The following CHRM3 variants were observed in gnomAD, a reference collection of about 807,000 sequenced individuals.
CHRM3 encodes the protein muscarinic acetylcholine receptor M3.
In CHRM3, 11 loss-of-function variants were observed where a neutral mutation model predicts 41.8. The observed-to-expected ratio is 0.26, with a 90% CI of 0.17 to 0.44. The LOEUF (loss-of-function observed/expected upper bound fraction) is 0.44. Among genes scored for constraint, CHRM3 ranks in the 20% least tolerant of loss-of-function variants. The pLI, the probability that CHRM3 is intolerant of heterozygous loss-of-function variation, is 1.00. For missense variants in CHRM3, 571 were observed against 745.4 expected (o/e 0.77, Z 2.72); for synonymous variants, 297 against 301.4 (o/e 0.99, Z 0.15).
chr1:239,523,724 T>C (rs1558287919), intron 2 of CHRM3, among the ~76,000 whole-genome samples: 1 of 152,162 alleles, frequency 6.6e-6, no homozygotes, highest in Non-Finnish European at 1.5e-5. Flanking sequence ...TGTATGTTTG[T>C]TGGAACATAC....
chr1:239,488,608 G>C (rs1667341697), intron 1 of CHRM3, among the ~76,000 whole-genome samples: 1 of 149,312 alleles, frequency 6.7e-6, no homozygotes, highest in Non-Finnish European at 1.5e-5. Flanking sequence ...CCAGCTACTT[G>C]AGAGGCTGAG....
At chr1:239,881,248 A>T (rs1168063946) in intron 6 of CHRM3, among the ~76,000 whole-genome samples, 1 of 121,786 alleles carries the variant, frequency 8.2e-6, no homozygotes, top group Non-Finnish European at 1.6e-5. Flanking sequence ...CCGCCCCTGC[A>T]CTCCAGCCTG....
At chr1:239,476,059 G>A (rs945104916) in intron 1 of CHRM3, among the ~76,000 whole-genome samples, 3 of 141,528 alleles carry the variant, frequency 2.1e-5, no homozygotes, top group African/African-American at 7.9e-5. Context: ...TTAAAGCACA[G>A]TTACTTCTTT....
intron 3 of CHRM3, among the ~76,000 whole-genome samples, chr1:239,607,674 G>C (rs1666503312): frequency 6.6e-6 from 1 of 152,002 alleles, no homozygotes; most frequent in Non-Finnish European, 1.5e-5. Context: ...AAAAGGCTTA[G>C]TAAAATCAAC....
chr1:239,672,593 T>C (rs1200214757), intron 4 of CHRM3, among the ~76,000 whole-genome samples: 1 of 106,874 alleles, frequency 9.4e-6, no homozygotes, highest in African/African-American at 4.4e-5. Context: ...GTCTCTTTCT[T>C]CCCACTACAC....
chr1:239,888,799 A>C (rs1678289574), intron 6 of CHRM3, among the ~76,000 whole-genome samples: 1 of 152,142 alleles, frequency 6.6e-6, no homozygotes, highest in Non-Finnish European at 1.5e-5. Context: ...AAGGGAAGGA[A>C]TGCAGGGATC....
At chr1:239,469,618 A>T (rs187792979) in intron 1 of CHRM3, among the ~76,000 whole-genome samples, 12 of 152,182 alleles carry the variant, frequency 7.9e-5, no homozygotes, top group African/African-American at 2.6e-4. Flanking sequence ...ATGCAATGGC[A>T]CAGTCTCGGC....
chr1:239,674,330 T>C (rs1386286927), intron 4 of CHRM3, among the ~76,000 whole-genome samples: 1 of 152,186 alleles, frequency 6.6e-6, no homozygotes, highest in Non-Finnish European at 1.5e-5. Context: ...TAGTTCTTTT[T>C]GCAAATGTCA....
chr1:239,895,442 C>T lies in CHRM3; in HGVS notation c.-19-11991C>T, dbSNP rs1448628140. ...TTTTCACAGATCTTGCTTTCTCGAGCCCTTCTGTTACTGGTTCTCCCATCC... is the reference window on the plus strand; with the variant it reads ...TTTTCACAGATCTTGCTTTCTCGAGTCCTTCTGTTACTGGTTCTCCCATCC... On this transcript the variant is annotated intron_variant, in intron 6 of 6. Transcript: ENST00000676153. 3.9e-5 allele frequency among the ~76,000 whole-genome samples: 6 copies of T among 152,172 alleles called. No individual in the cohort carries two copies. In the East Asian group the frequency reaches 1.2e-3, roughly 29 times the overall value.
chr1:239,744,255 C>T (rs1417175240), intron 5 of CHRM3, among the ~76,000 whole-genome samples: 3 of 152,042 alleles, frequency 2.0e-5, no homozygotes, highest in Non-Finnish European at 2.9e-5. Context: ...TAGTTCCTGA[C>T]ATTATTCAGG....
intron 1 of CHRM3, among the ~76,000 whole-genome samples, chr1:239,415,425 G>A (rs1374542073): frequency 6.6e-6 from 1 of 152,094 alleles, no homozygotes; most frequent in East Asian, 1.9e-4. Flanking sequence ...GGCCGACAGA[G>A]CAAGAATCTG....
intron 5 of CHRM3, among the ~76,000 whole-genome samples, chr1:239,681,279 C>T (rs1658537116): frequency 6.6e-6 from 1 of 152,066 alleles, no homozygotes; most frequent in African/African-American, 2.4e-5. Flanking sequence ...GTTACATTTC[C>T]CATGGGAAGG....
chr1:239,531,284 T>G (rs1053122171), intron 2 of CHRM3, among the ~76,000 whole-genome samples: 3 of 152,232 alleles, frequency 2.0e-5, no homozygotes, highest in Non-Finnish European at 2.9e-5. Context: ...CAAGGCAGTG[T>G]GATATTAGCA....
chr1:239,471,109 A>G (rs1558247553), intron 1 of CHRM3, among the ~76,000 whole-genome samples: 1 of 152,208 alleles, frequency 6.6e-6, no homozygotes, highest in South Asian at 2.1e-4. Flanking sequence ...AATCTCTTAA[A>G]TAGTTCTAAG....
At chr1:239,641,290 G>A (rs1218078819) in intron 4 of CHRM3, among the ~76,000 whole-genome samples, 1 of 151,764 alleles carries the variant, frequency 6.6e-6, no homozygotes, top group Admixed American at 6.6e-5. Flanking sequence ...TCCGCTTGGT[G>A]CAGAGCTGAG....
In CHRM3 at chr1:239,564,697, C is replaced by G. The variant is rs547893219; in HGVS notation, c.-313+18948C>G. Among the ~76,000 whole-genome samples the G allele has an allele frequency of 3.3e-5, 5 of 152,130 alleles. No homozygotes were observed. In the South Asian group the frequency reaches 1.0e-3, roughly 32 times the overall value. Reference sequence around the variant, plus strand: ...TTTTCATTGGAATTTTTGCCTTTTTCTTACCCCACAGTCATTAAGGAGACA... The same window carrying G: ...TTTTCATTGGAATTTTTGCCTTTTTGTTACCCCACAGTCATTAAGGAGACA... On this transcript the variant is annotated intron_variant, in intron 3 of 6. Coordinates refer to ENST00000676153, the MANE Select transcript of CHRM3 (RefSeq NM_001375978.1).
intron 1 of CHRM3, among the ~76,000 whole-genome samples, chr1:239,432,287 GT>G (rs879466036): frequency 6.6e-6 from 1 of 152,122 alleles, no homozygotes; most frequent in African/African-American, 2.4e-5. Context: ...GAAACAGCAT[GT>G]TTTTTGTTGG....
intron 6 of CHRM3, among the ~76,000 whole-genome samples, chr1:239,902,217 G>T (rs1319546785): frequency 1.3e-5 from 2 of 152,156 alleles, no homozygotes; most frequent in Admixed American, 1.3e-4. Context: ...TGGGAGAAGG[G>T]AGGCAAGATC....
chr1:239,633,755 A>C lies in CHRM3; in HGVS notation c.-250+1469A>C, dbSNP rs1051254392. ...CCCTTCTTGCAATCACAGCAACAAAAGCCGAACTGGGGATACTGGAGCAGG... is the reference window on the plus strand; with the variant it reads ...CCCTTCTTGCAATCACAGCAACAAACGCCGAACTGGGGATACTGGAGCAGG... On this transcript the variant is annotated intron_variant, in intron 4 of 6. Coordinates refer to ENST00000676153, the MANE Select transcript of CHRM3 (RefSeq NM_001375978.1). 4.6e-4 allele frequency among the ~76,000 whole-genome samples: 69 copies of C among 151,486 alleles called. 1 individual carries two copies. Among genetic ancestry groups the C allele is most frequent in the Non-Finnish European group, 7.4e-5 (5 of 67,898 alleles).
Sources: gnomAD v4.1 joint callset for allele counts (sites outside exome capture counted in the v4.1 genomes callset) on GRCh38, gnomAD v4.1.1 for gene constraint, MANE v1.5 for transcripts, NCBI Gene and HGNC (gene_info 2026-07-23, HGNC 2026-07-21) for gene names.